Variants in SGCZ observed in about 807,000 individuals in gnomAD.
SGCZ encodes zeta-sarcoglycan.
In SGCZ, 40 loss-of-function variants were observed where a neutral mutation model predicts 41.3. The observed-to-expected ratio is 0.97, with a 90% CI of 0.75 to 1.26. SGCZ has a LOEUF of 1.26. SGCZ is among the 50% of genes most tolerant of loss of function. The pLI, the probability that SGCZ is intolerant of heterozygous loss-of-function variation, is 0.00. For synonymous variants in SGCZ, 206 were observed against 137.5 expected, an observed-to-expected ratio of 1.50 and a Z score of -3.49; for missense variants, 552 against 369.8, an observed-to-expected ratio of 1.49 and a Z score of -4.04.
At chr8:15,060,911 C>T (rs1001830184) in intron 1 of SGCZ, among the ~76,000 whole-genome samples, 1 of 152,096 alleles carries the variant, frequency 6.6e-6, no homozygotes, top group African/African-American at 2.4e-5. Context: ...TGGATTGCTT[C>T]GATACTCCAC....
intron 1 of SGCZ, among the ~76,000 whole-genome samples, chr8:14,961,082 G>A (rs1208636483): frequency 1.3e-5 from 2 of 152,030 alleles, no homozygotes; most frequent in Admixed American, 6.6e-5. Context: ...ATTCCTTGGC[G>A]GCAAGCTGTG....
chr8:14,497,732 C>T (rs1563368415), intron 2 of SGCZ, among the ~76,000 whole-genome samples: 1 of 152,032 alleles, frequency 6.6e-6, no homozygotes, highest in Non-Finnish European at 1.5e-5. Context: ...AAGGGATCCA[C>T]CCCATGATCT....
intron 1 of SGCZ, among the ~76,000 whole-genome samples, chr8:14,799,874 G>T (rs1305354384): frequency 6.6e-6 from 1 of 151,966 alleles, no homozygotes; most frequent in Non-Finnish European, 1.5e-5. Flanking sequence ...TCTTTTACTA[G>T]AGAAGAAGAA....
chr8:15,145,670 G>C (rs959925289), intron 1 of SGCZ, among the ~76,000 whole-genome samples: 3 of 151,998 alleles, frequency 2.0e-5, no homozygotes, highest in African/African-American at 7.3e-5. Flanking sequence ...TCCGAGGCTG[G>C]TCTCAAACTC....
At chr8:15,081,337 A>AT (rs1805739788) in intron 1 of SGCZ, among the ~76,000 whole-genome samples, 1 of 152,194 alleles carries the variant, frequency 6.6e-6, no homozygotes, top group Non-Finnish European at 1.5e-5. Flanking sequence ...TCTGAGATGC[A>AT]TTTTTACTTT....
chr8:14,330,422 C>G (rs983147016), intron 2 of SGCZ, among the ~76,000 whole-genome samples: 19 of 151,964 alleles, frequency 1.3e-4, no homozygotes, highest in Non-Finnish European at 1.9e-4. Context: ...TGAAAGTAAT[C>G]TTTAGCATAA....
At chr8:14,703,219 T>C (rs1809225213) in intron 1 of SGCZ, among the ~76,000 whole-genome samples, 1 of 151,970 alleles carries the variant, frequency 6.6e-6, no homozygotes, top group Admixed American at 6.6e-5. Context: ...CATGCAGTGA[T>C]CTGGTGGCTC....
At chr8:14,802,281 T>G (rs539506020) in intron 1 of SGCZ, among the ~76,000 whole-genome samples, 7 of 152,304 alleles carry the variant, frequency 4.6e-5, no homozygotes, top group African/African-American at 1.7e-4. Flanking sequence ...TGCTTCCCCA[T>G]GAATAAATCA....
Position 14,276,773 on chromosome 8 carries a change from T to C in SGCZ, c.337-39094A>G, listed in dbSNP as rs560920627. On this transcript the variant is annotated intron_variant, in intron 3 of 7. Transcript: ENST00000382080. ...CTTCTGTTTAACTGGGGCAGGAAAA[T>C]AGGGTCTGGAGGCAGGAAACAGAAG... Among the ~76,000 whole-genome samples the C allele has an allele frequency of 6.6e-5, 10 of 152,274 alleles. No homozygotes were observed. The East Asian group carries it at 1.9e-3, about 29-fold the overall frequency.
At chr8:14,195,714 T>A (rs1483430331) in intron 4 of SGCZ, among the ~76,000 whole-genome samples, 1 of 152,114 alleles carries the variant, frequency 6.6e-6, no homozygotes, top group African/African-American at 2.4e-5. Flanking sequence ...TGATTAATAC[T>A]GGAAAAAATG....
chr8:14,386,302 T>TAAAAAAAAAAAA (rs5889531), intron 2 of SGCZ, among the ~76,000 whole-genome samples: 1 of 138,448 alleles, frequency 7.2e-6, no homozygotes. Flanking sequence ...TGCATCATGG[T>TAAAAAAAAAAAA]AAAAAAAAAA....
chr8:14,759,151 T>A (rs1799776431), intron 1 of SGCZ, among the ~76,000 whole-genome samples: 1 of 152,112 alleles, frequency 6.6e-6, no homozygotes, highest in Non-Finnish European at 1.5e-5. Context: ...CCAGAAAGTA[T>A]AATTCTATTT....
chr8:15,236,973 G>T (rs1363191838), intron 1 of SGCZ, among the ~76,000 whole-genome samples: 2 of 152,188 alleles, frequency 1.3e-5, no homozygotes, highest in South Asian at 4.1e-4. Context: ...AGCCGTCCCC[G>T]GCAGCGGGGG....
intron 3 of SGCZ, among the ~76,000 whole-genome samples, 188 bp downstream of exon 3, chr8:14,323,914 AT>A (rs1247823037): frequency 6.6e-6 from 1 of 152,054 alleles, no homozygotes; most frequent in African/African-American, 2.4e-5. Context: ...GTTCTCTAAG[AT>A]TTGTCGGGTT....
intron 1 of SGCZ, among the ~76,000 whole-genome samples, chr8:14,890,183 C>T (rs2726606): frequency 0.14 from 20,784 of 150,674 alleles, 2,057 homozygotes; most frequent in African/African-American, 0.26. Context: ...CACCACTGCA[C>T]TCCAGCCTGG....
At chr8:14,659,901 T>C (rs1238378601) in intron 1 of SGCZ, among the ~76,000 whole-genome samples, 1 of 152,178 alleles carries the variant, frequency 6.6e-6, no homozygotes, top group Non-Finnish European at 1.5e-5. Flanking sequence ...TAATCCAGTA[T>C]GACTGATGTA....
At chr8:15,040,815 T>A (rs1331774727) in intron 1 of SGCZ, among the ~76,000 whole-genome samples, 1 of 152,172 alleles carries the variant, frequency 6.6e-6, no homozygotes, top group Non-Finnish European at 1.5e-5. Context: ...AAAGATAATT[T>A]TTTGTTTTCT....
chr8:14,883,330 G>A (rs972317796), intron 1 of SGCZ, among the ~76,000 whole-genome samples: 1 of 151,714 alleles, frequency 6.6e-6, no homozygotes, highest in African/African-American at 2.4e-5. Context: ...TGGGTTAAAA[G>A]ACTGTTTGGT....
rs191645833 is a variant in SGCZ, at chr8:14,773,842, G to A, written c.40-218916C>T. 1.9e-3 allele frequency among the ~76,000 whole-genome samples: 286 copies of A among 152,196 alleles called. 1 individual carries two copies. Among genetic ancestry groups the A allele is most frequent in the African/African-American group, 6.4e-3 (266 of 41,542 alleles). On this transcript the variant is annotated intron_variant, in intron 1 of 7. Coordinates refer to ENST00000382080, the MANE Select transcript of SGCZ (RefSeq NM_139167.4). Reference sequence around the variant, plus strand: ...CAATTCCTCTGAAAACTAGAACCAAGGCAAGAAGGGAAGTGGTAGACCTAT... The same window carrying A: ...CAATTCCTCTGAAAACTAGAACCAAAGCAAGAAGGGAAGTGGTAGACCTAT...
Sources: allele counts gnomAD v4.1 joint callset (sites outside exome capture counted in the v4.1 genomes callset), GRCh38; gene constraint gnomAD v4.1.1; transcripts MANE v1.5; gene names NCBI Gene and HGNC (gene_info 2026-07-23, HGNC 2026-07-21).